TULP4: variants seen among roughly 807,000 people sequenced by gnomAD.
TULP4 encodes TUB like protein 4, also known as tubby-related protein 4.
TULP4 carries 16 observed loss-of-function variants against 129.0 expected under a neutral mutation model. The ratio of observed to expected loss-of-function variants is 0.12; its 90% CI spans 0.08 to 0.19. The LOEUF (loss-of-function observed/expected upper bound fraction) is 0.19. TULP4 is among the 10% of genes least tolerant of loss of function. The probability of loss-of-function intolerance (pLI) is 1.00; values close to 1 mark genes in which losing one functional copy is unlikely to be tolerated. For synonymous variants in TULP4, 998 were observed against 854.0 expected, an observed-to-expected ratio of 1.17 and a Z score of -2.94; for missense variants, 1,842 against 2,059.1, an observed-to-expected ratio of 0.89 and a Z score of 2.04.
At chr6:158,474,425 T>G (rs933212656) in intron 6 of TULP4, among the ~76,000 whole-genome samples, 2 of 152,176 alleles carry the variant, frequency 1.3e-5, no homozygotes, top group African/African-American at 4.8e-5. Context: ...TCCTCCTACA[T>G]TTTCAGAAGA....
chr6:158,352,878 A>G (rs917575029), intron 1 of TULP4, among the ~76,000 whole-genome samples: 11 of 152,218 alleles, frequency 7.2e-5, no homozygotes, highest in Admixed American at 1.3e-4. Context: ...AAATACATAC[A>G]TCTATTTATT....
chr6:158,233,814 A>T (rs1203771962), intron 1 of TULP4, among the ~76,000 whole-genome samples: 1 of 152,236 alleles, frequency 6.6e-6, no homozygotes, highest in African/African-American at 2.4e-5. Context: ...TTTAAAGAAT[A>T]GTACTTAATT....
At chr6:158,308,927 C>T (rs1379035882), upstream of TULP4, among the ~76,000 whole-genome samples, 150 of 126,054 alleles carry the variant, frequency 1.2e-3, no homozygotes, top group Middle Eastern at 4.4e-3. Context: ...GCTGGCCGGG[C>T]GGGGGGCTGA....
chr6:158,328,331 G>C (rs1779796626), intron 1 of TULP4, among the ~76,000 whole-genome samples: 1 of 151,988 alleles, frequency 6.6e-6, no homozygotes, highest in Non-Finnish European at 1.5e-5. Flanking sequence ...GTGAGGTACA[G>C]AGACGTTAAG....
In TULP4 at chr6:158,493,163, C is replaced by T. The variant is rs904737872; in HGVS notation, c.1632-410C>T. Among the ~76,000 whole-genome samples the T allele has an allele frequency of 2.6e-5, 4 of 152,164 alleles. No homozygotes were observed. The highest frequency in any genetic ancestry group is 9.7e-5 in the African/African-American group (4 of 41,444). ...CTTTGAGTTCCTTACAAATGGATCG[C>T]TGGATCTCATTTCAGTGTATACTAA... On this transcript the variant is annotated intron_variant, in intron 9 of 13. Coordinates refer to ENST00000367097, the MANE Select transcript of TULP4 (RefSeq NM_020245.5). This position sits in a 1 kb window ranked among gnomAD's most constrained non-coding sequence, Gnocchi z 4.4.
At chr6:158,240,858 C>T in intron 1 of TULP4, among the ~76,000 whole-genome samples, 1 of 151,076 alleles carries the variant, frequency 6.6e-6, no homozygotes, top group East Asian at 2.0e-4. Flanking sequence ...GACCCCCCAC[C>T]TCCCTCCCGG....
At chr6:158,473,737 T>C (rs1779746782) in intron 6 of TULP4, among the ~76,000 whole-genome samples, 1 of 152,114 alleles carries the variant, frequency 6.6e-6, no homozygotes. Flanking sequence ...GTCAGGCTGG[T>C]CTCAAACTCC....
At chr6:158,287,754 GTCC>G (rs1778856740) in intron 1 of TULP4, among the ~76,000 whole-genome samples, 1 of 152,190 alleles carries the variant, frequency 6.6e-6, no homozygotes, top group Non-Finnish European at 1.5e-5. Flanking sequence ...TTGGAGCTTA[GTCC>G]AGGCAGTAAA....
At chr6:158,238,370 G>A (rs1220126451) in intron 1 of TULP4, 17 of 699,294 alleles carry the variant, frequency 2.4e-5, no homozygotes, top group African/African-American at 3.6e-5. Flanking sequence ...TTGAGGCATT[G>A]TTCGGCCTGG....
chr6:158,398,727 G>C (rs1244193870), intron 1 of TULP4, among the ~76,000 whole-genome samples: 1 of 152,222 alleles, frequency 6.6e-6, no homozygotes, highest in African/African-American at 2.4e-5. Context: ...TTGTTCTTCT[G>C]TAAGAACCAC....
chr6:158,480,482 A>G (rs1779915738), intron 7 of TULP4, among the ~76,000 whole-genome samples: 1 of 152,230 alleles, frequency 6.6e-6, no homozygotes, highest in Admixed American at 6.5e-5. Flanking sequence ...TCCAGCCAGC[A>G]CTCAGCGTCA....
At chr6:158,488,458 G>A (rs1351898829) in intron 8 of TULP4, among the ~76,000 whole-genome samples, 1 of 152,132 alleles carries the variant, frequency 6.6e-6, no homozygotes, top group Admixed American at 6.5e-5. Context: ...TTAAAAAGGG[G>A]GTGATGTGGG....
intron 1 of TULP4, among the ~76,000 whole-genome samples, chr6:158,261,938 C>G (rs545583874): frequency 1.3e-5 from 2 of 152,298 alleles, no homozygotes; most frequent in Admixed American, 6.5e-5. Flanking sequence ...AAAGATCTTT[C>G]CTGGAAGCTC....
At position 158,504,173 on chromosome 6, in the gene TULP4, C is replaced by A; in HGVS notation, c.4510C>A (p.Arg1504=). Residue 1504 remains arginine, a synonymous_variant, in exon 13 of 14, where the codon CGG becomes AGG. Transcript: ENST00000367097. ...GAACTTCCAGATTGAGTTAGAGGGG[C>A]GGCAGGTAAGACCTCAGACCAGGTG... is the stretch of plus-strand genomic sequence containing the variant. ...AKNFQIELEG[R]QVMQFGRIDG... is the part of the protein sequence containing the mutation. 1.3e-6 allele frequency: 2 copies of A among 1,582,754 alleles called. No homozygotes were observed. The highest frequency in any genetic ancestry group is 1.2e-5 in the South Asian group (1 of 86,818).
chr6:158,474,305 C>T (rs1000848716), intron 6 of TULP4, among the ~76,000 whole-genome samples: 2 of 152,222 alleles, frequency 1.3e-5, no homozygotes, highest in African/African-American at 4.8e-5. Flanking sequence ...TCTGCCTCCT[C>T]GGTGGCCGGG....
Position 158,449,180 on chromosome 6 carries a change from C to G in TULP4, c.724+4C>G. The G allele has an allele frequency of 1.1e-5, 18 of 1,607,792 alleles. No individual in the cohort carries two copies. Among genetic ancestry groups the G allele is most frequent in the Non-Finnish European group, 1.5e-5 (18 of 1,176,662 alleles). On this transcript the variant is annotated splice_donor_region_variant and intron_variant, in intron 4 of 13. Transcript: ENST00000367097. ...GATGACTACGCCCCTCCCCAAGGTA[C>G]TCATTGGCCCTACTTTCCTTGTCAC...
At chr6:158,235,969 T>C (rs1157977659) in intron 1 of TULP4, among the ~76,000 whole-genome samples, 1 of 152,254 alleles carries the variant, frequency 6.6e-6, no homozygotes, top group Non-Finnish European at 1.5e-5. Flanking sequence ...GTTAAATCCT[T>C]GCTGGGTCCT....
chr6:158,495,072 C>G (rs1780302235), intron 11 of TULP4, among the ~76,000 whole-genome samples: 1 of 150,302 alleles, frequency 6.7e-6, no homozygotes, highest in Non-Finnish European at 1.5e-5. Flanking sequence ...AATCTTTTAA[C>G]TTTTTTTTTG....
At chr6:158,256,000 A>G (rs562803267) in intron 1 of TULP4, among the ~76,000 whole-genome samples, 2 of 147,768 alleles carry the variant, frequency 1.4e-5, no homozygotes, top group South Asian at 2.1e-4. Context: ...TCTTTATCGC[A>G]AGAGCAGAGC....
Sources: allele counts gnomAD v4.1 joint callset (sites outside exome capture counted in the v4.1 genomes callset), GRCh38; gene constraint gnomAD v4.1.1; non-coding constraint Gnocchi (gnomAD v3.1); transcripts MANE v1.5; gene names NCBI Gene and HGNC (gene_info 2026-07-23, HGNC 2026-07-21).